Variants in ELP4 observed in about 807,000 individuals in gnomAD.
ELP4 encodes the protein elongator complex protein 4.
ELP4 carries 51 observed loss-of-function variants against 48.9 expected under a neutral mutation model. The observed-to-expected ratio is 1.04, with a 90% CI of 0.83 to 1.32. The LOEUF (loss-of-function observed/expected upper bound fraction) is 1.32. ELP4 is among the 40% of genes most tolerant of loss of function. The pLI, the probability that ELP4 is intolerant of heterozygous loss-of-function variation, is 0.00. For missense variants in ELP4, 519 were observed against 514.6 expected, an observed-to-expected ratio of 1.01 and a Z score of -0.08; for synonymous variants, 210 against 189.2, an observed-to-expected ratio of 1.11 and a Z score of -0.90.
At chr11:31,595,394 C>G (rs1426224146) in intron 4 of ELP4, among the ~76,000 whole-genome samples, 1 of 152,142 alleles carries the variant, frequency 6.6e-6, no homozygotes, top group Admixed American at 6.5e-5. Context: ...CTCATGAACT[C>G]TATTCCTGGT....
At chr11:31,768,902 A>T (rs1305940294) in intron 9 of ELP4, among the ~76,000 whole-genome samples, 1 of 152,200 alleles carries the variant, frequency 6.6e-6, no homozygotes, top group Admixed American at 6.5e-5. Flanking sequence ...TAAATAACAC[A>T]CTGTAATGAA....
chr11:31,579,292 C>T (rs976852360), intron 3 of ELP4, among the ~76,000 whole-genome samples: 1 of 152,166 alleles, frequency 6.6e-6, no homozygotes, highest in Non-Finnish European at 1.5e-5. Flanking sequence ...AGAACAGGTG[C>T]TGGAGAGGAT....
At chr11:31,701,010 C>A (rs1458820588) in intron 9 of ELP4, among the ~76,000 whole-genome samples, 1 of 151,984 alleles carries the variant, frequency 6.6e-6, no homozygotes, top group East Asian at 1.9e-4. Flanking sequence ...GGTTAAAATA[C>A]CCTTGGATTT....
chr11:31,763,499 G>C, intron 9 of ELP4: 1 of 1,611,302 alleles, frequency 6.2e-7, no homozygotes, highest in Non-Finnish European at 8.5e-7. Flanking sequence ...TCTGCATGGG[G>C]AGAAGGTTCT....
At chr11:31,709,128 A>G (rs1294650379) in intron 9 of ELP4, among the ~76,000 whole-genome samples, 2 of 152,152 alleles carry the variant, frequency 1.3e-5, no homozygotes, top group African/African-American at 4.8e-5. Context: ...TTGAGTCAAA[A>G]TCATTTGAGT....
intron 8 of ELP4, chr11:31,648,838 A>G (rs1001235441): frequency 1.3e-5 from 2 of 151,600 alleles, no homozygotes; most frequent in African/African-American, 4.8e-5. Flanking sequence ...CCACCGAGTA[A>G]AGAGTGGTTC....
At position 31,753,156 on chromosome 11, in the gene ELP4, C is replaced by G. The variant is rs548366337; in HGVS notation, c.1144-30237C>G. On this transcript the variant is annotated intron_variant, in intron 9 of 9. Transcript: ENST00000640961. ...TAACTAGAAAATATAATAATAATAG[C>G]TAATGATTATTTATCAACTCATGTC... 5.3e-5 allele frequency among the ~76,000 whole-genome samples: 8 copies of G among 152,204 alleles called. No individual in the cohort carries two copies. In the South Asian group the frequency reaches 1.7e-3, roughly 32 times the overall value.
At chr11:31,779,578 C>T (rs1217717120) in intron 9 of ELP4, 3 of 152,268 alleles carry the variant, frequency 2.0e-5, no homozygotes, top group African/African-American at 7.2e-5. Context: ...CTCTTGGAGC[C>T]TCAGAGCAAA....
intron 9 of ELP4, among the ~76,000 whole-genome samples, chr11:31,703,351 T>C (rs895537328): frequency 6.6e-6 from 1 of 152,212 alleles, no homozygotes; most frequent in Non-Finnish European, 1.5e-5. Context: ...CTTTTCAGAT[T>C]TAGATCACCT....
intron 9 of ELP4, chr11:31,763,400 C>A: frequency 6.3e-7 from 1 of 1,581,934 alleles, no homozygotes; most frequent in Non-Finnish European, 8.6e-7. Flanking sequence ...TGTCTCTTTT[C>A]TCTGAGGCAG....
intron 1 of ELP4, among the ~76,000 whole-genome samples, chr11:31,515,965 G>C (rs546271077): frequency 6.6e-6 from 1 of 152,234 alleles, no homozygotes; most frequent in East Asian, 1.9e-4. Context: ...AAAAAAATTT[G>C]CCGGGTGTAG....
chr11:31,750,461 G>A (rs1451080104), intron 9 of ELP4, among the ~76,000 whole-genome samples: 1 of 151,938 alleles, frequency 6.6e-6, no homozygotes. Flanking sequence ...TCCCTGTCAC[G>A]GTGGTCTTTC....
intron 3 of ELP4, among the ~76,000 whole-genome samples, chr11:31,568,236 C>T (rs139383416): frequency 2.2e-3 from 340 of 152,174 alleles, no homozygotes; most frequent in African/African-American, 7.1e-3. Context: ...CTTAGGAATA[C>T]GGCTAACCAA....
At chr11:31,662,624 T>G (rs958906551) in intron 9 of ELP4, 4 of 397,906 alleles carry the variant, frequency 1.0e-5, no homozygotes, top group Non-Finnish European at 1.8e-5. Context: ...ACCCCTACTT[T>G]AAAAAGCCGC....
At chr11:31,537,190 T>C (rs1463812525) in intron 2 of ELP4, among the ~76,000 whole-genome samples, 1 of 152,206 alleles carries the variant, frequency 6.6e-6, no homozygotes, top group Admixed American at 6.5e-5. Context: ...GTTTTTTGAT[T>C]GAGTGTACTA....
intron 3 of ELP4, among the ~76,000 whole-genome samples, chr11:31,559,905 TAAA>T (rs11399608): frequency 1.5e-5 from 2 of 131,454 alleles, no homozygotes; most frequent in Non-Finnish European, 3.2e-5. Flanking sequence ...AAACTCCGTC[TAAA>T]AAAAAAAAAA....
intron 3 of ELP4, among the ~76,000 whole-genome samples, chr11:31,591,849 T>G (rs1957583736): frequency 6.6e-6 from 1 of 152,116 alleles, no homozygotes; most frequent in South Asian, 2.1e-4. Flanking sequence ...AGAATAGAAA[T>G]GATCCATGTA....
At chr11:31,576,362 G>A (rs1270238732) in intron 3 of ELP4, among the ~76,000 whole-genome samples, 2 of 152,166 alleles carry the variant, frequency 1.3e-5, no homozygotes, top group African/African-American at 4.8e-5. Context: ...ACACCTGACT[G>A]TCAACATTAG....
rs891780172 is a variant in ELP4 at position 31,789,140 on chromosome 11, C to CA, written c.*5622dup. The CA allele has an allele frequency of 1.5e-5, 3 of 203,040 alleles. No individual in the cohort carries two copies. The highest frequency in any genetic ancestry group is 4.6e-5 in the African/African-American group (2 of 43,636). The allele number at this position is 203,040 out of a possible 1,614,324, so 12.6% of individuals were successfully genotyped here. On this transcript the variant is annotated 3_prime_UTR_variant, in exon 10 of 10. Coordinates refer to ENST00000640961, the MANE Select transcript of ELP4 (RefSeq NM_019040.5). ...CTAAGAACAATTAACTTTTGCTGGC[C>CA]AAAAAAGAAACGTATGATTGCATGA...
Sources: gnomAD v4.1 joint callset for allele counts (sites outside exome capture counted in the v4.1 genomes callset) on GRCh38, gnomAD v4.1.1 for gene constraint, MANE v1.5 for transcripts, NCBI Gene and HGNC (gene_info 2026-07-23, HGNC 2026-07-21) for gene names.